CYP19A1: variants seen among roughly 807,000 people sequenced by gnomAD.
The protein encoded by CYP19A1 is cytochrome P450 family 19 subfamily A member 1.
In CYP19A1, 32 loss-of-function variants were observed where a neutral mutation model predicts 44.4. The ratio of observed to expected loss-of-function variants is 0.72; its 90% CI spans 0.54 to 0.97. The LOEUF (loss-of-function observed/expected upper bound fraction) is 0.97. CYP19A1 is among the 50% of genes least tolerant of loss of function. CYP19A1 has a pLI of 0.00. For synonymous variants in CYP19A1, 212 were observed against 215.6 expected (o/e 0.98, Z 0.14); for missense variants, 598 against 637.8 (o/e 0.94, Z 0.67).
chr15:51,225,023 C>T (rs2065741887), intron 4 of CYP19A1, among the ~76,000 whole-genome samples: 2 of 152,178 alleles, frequency 1.3e-5, no homozygotes, highest in African/African-American at 4.8e-5. Flanking sequence ...AAAGTCTCCC[C>T]TGCCCCTCAA....
chr15:51,238,995 C>G (rs904786749), intron 2 of CYP19A1, among the ~76,000 whole-genome samples: 1 of 152,114 alleles, frequency 6.6e-6, no homozygotes, highest in East Asian at 1.9e-4. Flanking sequence ...CACAGTGTGA[C>G]CTTTTCATTT....
rs1555395945 is a variant in CYP19A1, at chr15:51,277,975, TTC to T, written c.-38-35027_-38-35026del. ...ATGAGTTTTTTTTTTTTTTTTTTTT[TTC>T]CCCAGGAAAATGTGCAAATATCAAG... On this transcript the variant is annotated intron_variant, in intron 1 of 9. Transcript: ENST00000396402. 769 of 149,668 alleles carry T rather than the reference TTC, an allele frequency of 5.1e-3. 9 individuals are homozygous for T. Among genetic ancestry groups the T allele is most frequent in the African/African-American group, 0.018 (727 of 39,660 alleles). 9.3% of individuals were successfully genotyped at this position (149,668 alleles called of 1,614,324 possible). A position where few individuals can be genotyped will look rare whatever the true frequency, so the allele number is the denominator to read the frequency against.
In CYP19A1 at chr15:51,296,466, G is replaced by A. The variant is rs28757116; in HGVS notation, c.-39+42029C>T. ...CAGACAGGCAGTCATATGGATCCAT[G>A]GGCCTTTGTCAGAAGGCACTGGCAC... On this transcript the variant is annotated intron_variant, in intron 1 of 9. Transcript: ENST00000396402. Among the ~76,000 whole-genome samples, 1,462 of 152,250 alleles carry A rather than the reference G, an allele frequency of 9.6e-3. 29 individuals carry two copies. The highest frequency in any genetic ancestry group is 0.034 in the African/African-American group (1,413 of 41,530).
intron 3 of CYP19A1, among the ~76,000 whole-genome samples, chr15:51,231,942 A>C (rs2033070499): frequency 6.6e-6 from 1 of 151,032 alleles, no homozygotes; most frequent in African/African-American, 2.4e-5. Context: ...AGGCCAACCC[A>C]TCCACTTGTC....
chr15:51,311,492 G>A (rs749956725), intron 1 of CYP19A1, among the ~76,000 whole-genome samples: 6 of 152,142 alleles, frequency 3.9e-5, no homozygotes, highest in Non-Finnish European at 8.8e-5. Context: ...ATACCAAATG[G>A]TCTAATGTTC....
intron 3 of CYP19A1, among the ~76,000 whole-genome samples, chr15:51,236,196 G>C (rs935044631): frequency 5.9e-5 from 9 of 152,040 alleles, no homozygotes; most frequent in African/African-American, 2.2e-4. Context: ...GTCATAAATG[G>C]GAAAGCAGCA....
intron 9 of CYP19A1, 142 bp downstream of exon 9, chr15:51,212,178 G>T: frequency 1.3e-6 from 1 of 753,496 alleles, no homozygotes. Flanking sequence ...CAAGCTAGGG[G>T]ACGTGTGTGC....
chr15:51,252,463 A>G (rs1193469305), intron 1 of CYP19A1, among the ~76,000 whole-genome samples: 4 of 152,134 alleles, frequency 2.6e-5, no homozygotes, highest in Non-Finnish European at 5.9e-5. Flanking sequence ...AGAGAATACA[A>G]TTTCTCTTGA....
chr15:51,266,276 G>A (rs1383505072), intron 1 of CYP19A1, among the ~76,000 whole-genome samples: 1 of 152,240 alleles, frequency 6.6e-6, no homozygotes, highest in Non-Finnish European at 1.5e-5. Context: ...CACGGACAGA[G>A]CAGGGCAAGC....
chr15:51,317,348 A>T (rs1360323570), intron 1 of CYP19A1, among the ~76,000 whole-genome samples: 1 of 152,152 alleles, frequency 6.6e-6, no homozygotes, highest in African/African-American at 2.4e-5. Flanking sequence ...TGACCTCGTG[A>T]TCGGCCTGCC....
intron 1 of CYP19A1, among the ~76,000 whole-genome samples, chr15:51,311,465 C>T (rs944669908): frequency 2.0e-5 from 3 of 152,068 alleles, no homozygotes; most frequent in Admixed American, 6.6e-5. Flanking sequence ...AATAAAGCCT[C>T]GAGGATCTGT....
chr15:51,307,090 C>T (rs1014370033), intron 1 of CYP19A1, among the ~76,000 whole-genome samples: 2 of 152,188 alleles, frequency 1.3e-5, no homozygotes, highest in Admixed American at 6.5e-5. Context: ...GAGTCTAGAC[C>T]TTTCCAATCT....
At chr15:51,246,633 C>G (rs1190944699) in intron 1 of CYP19A1, among the ~76,000 whole-genome samples, 1 of 152,212 alleles carries the variant, frequency 6.6e-6, no homozygotes, top group African/African-American at 2.4e-5. Context: ...GGTCTGAACA[C>G]ATTCAGGGTC....
chr15:51,214,431 T>C (rs1418098746), intron 8 of CYP19A1, among the ~76,000 whole-genome samples: 1 of 152,102 alleles, frequency 6.6e-6, no homozygotes, highest in African/African-American at 2.4e-5. Flanking sequence ...GGGGCTAGCA[T>C]CACTGGATTG....
intron 9 of CYP19A1, chr15:51,211,653 GAATTATTTAGCAT>G (rs1190516082): frequency 2.2e-6 from 1 of 445,620 alleles, no homozygotes; most frequent in Admixed American, 2.5e-5. Context: ...TTAGAGTACT[GAATTATTTAGCAT>G]CATGTTTCTA....
At chr15:51,235,454 T>C (rs918672930) in intron 3 of CYP19A1, among the ~76,000 whole-genome samples, 3 of 152,206 alleles carry the variant, frequency 2.0e-5, no homozygotes, top group Non-Finnish European at 4.4e-5. Context: ...ATTAGAGTAC[T>C]TCACAATGAA....
intron 1 of CYP19A1, among the ~76,000 whole-genome samples, chr15:51,301,121 A>G (rs772264100): frequency 6.8e-4 from 103 of 152,166 alleles, no homozygotes; most frequent in Non-Finnish European, 1.8e-4. Context: ...TGGAATGATC[A>G]AAGGAAAACT....
At chr15:51,296,253 T>G (rs1009719549) in intron 1 of CYP19A1, among the ~76,000 whole-genome samples, 1 of 151,878 alleles carries the variant, frequency 6.6e-6, no homozygotes, top group Non-Finnish European at 1.5e-5. Context: ...GAAGAGGCCT[T>G]GAGAGAAAGA....
rs576363134 is a variant in CYP19A1, at chr15:51,227,049, T to C, written c.451+730A>G. Among the ~76,000 whole-genome samples the C allele has an allele frequency of 2.0e-4, 30 of 152,244 alleles. 1 individual carries two copies. Among genetic ancestry groups the C allele is most frequent in the Non-Finnish European group, 1.5e-5 (1 of 68,022 alleles). On this transcript the variant is annotated intron_variant, in intron 4 of 9. Coordinates refer to ENST00000396402, the MANE Select transcript of CYP19A1 (RefSeq NM_000103.4). ...TTTGGCCGTGTTTAAATCAAACATA[T>C]GGGTGACATGCTAAATTCTTAACTG... is the stretch of plus-strand genomic sequence containing the variant.
Sources: allele counts gnomAD v4.1 joint callset (sites outside exome capture counted in the v4.1 genomes callset), GRCh38; gene constraint gnomAD v4.1.1; transcripts MANE v1.5; gene names NCBI Gene and HGNC (gene_info 2026-07-23, HGNC 2026-07-21).